Variants in GPHN observed in about 807,000 individuals in gnomAD.
GPHN encodes the protein gephyrin.
A neutral mutation model predicts 95.5 loss-of-function variants in GPHN; 17 were observed. That is an observed-to-expected ratio of 0.18 (90% CI 0.12 to 0.27). GPHN has a LOEUF of 0.27. Ranked by LOEUF, GPHN falls within the 10% of genes least tolerant of loss-of-function variation. The pLI, the probability that GPHN is intolerant of heterozygous loss-of-function variation, is 1.00. For synonymous variants in GPHN, 320 were observed against 322.5 expected (o/e 0.99, Z 0.08); for missense variants, 660 against 978.1 (o/e 0.67, Z 4.34).
chr14:67,073,671 A>G (rs927155948), intron 11 of GPHN, among the ~76,000 whole-genome samples: 10 of 152,160 alleles, frequency 6.6e-5, no homozygotes, highest in Non-Finnish European at 1.0e-4. Flanking sequence ...GTACCACTAA[A>G]TCATGGCTTA....
the GPHN span, among the ~76,000 whole-genome samples, chr14:67,411,078 T>G: frequency 7.0e-6 from 1 of 142,410 alleles, no homozygotes; most frequent in Admixed American, 7.7e-5. Flanking sequence ...GCCTGGGAAG[T>G]CGAGGCTGTG....
intron 9 of GPHN, among the ~76,000 whole-genome samples, chr14:66,968,531 C>G (rs945788454): frequency 6.6e-6 from 1 of 152,086 alleles, no homozygotes; most frequent in African/African-American, 2.4e-5. Flanking sequence ...TATGTGCAAA[C>G]GTATTTTGTC....
intron 9 of GPHN, among the ~76,000 whole-genome samples, chr14:66,994,243 G>A (rs1177882325): frequency 6.6e-6 from 1 of 151,956 alleles, no homozygotes. Flanking sequence ...GTGGGTGCCA[G>A]TATTCCCACT....
At chr14:67,122,409 T>C in intron 17 of GPHN, 32 bp downstream of exon 17, 1 of 1,601,898 alleles carries the variant, frequency 6.2e-7, no homozygotes, top group Non-Finnish European at 8.6e-7. Context: ...GAAAAGTTTG[T>C]ATTGTACAAA....
intron 1 of GPHN, among the ~76,000 whole-genome samples, chr14:66,602,536 C>A (rs373323217): frequency 2.6e-5 from 4 of 151,878 alleles, no homozygotes; most frequent in African/African-American, 4.8e-5. Flanking sequence ...AATGTGAATA[C>A]GAATTTTGTT....
the GPHN span, among the ~76,000 whole-genome samples, chr14:67,551,394 A>C: frequency 6.6e-6 from 1 of 152,202 alleles, no homozygotes; most frequent in African/African-American, 2.4e-5. Flanking sequence ...CAAGCCATGC[A>C]CATGTACTTT....
At chr14:67,250,039 G>C in the GPHN span, among the ~76,000 whole-genome samples, 1 of 152,106 alleles carries the variant, frequency 6.6e-6, no homozygotes, top group Non-Finnish European at 1.5e-5. Context: ...GTTCTATTTT[G>C]TTTTTTATGA....
intron 1 of GPHN, among the ~76,000 whole-genome samples, chr14:66,674,962 C>T (rs560718103): frequency 1.3e-5 from 2 of 152,246 alleles, no homozygotes; most frequent in Admixed American, 6.5e-5. Flanking sequence ...TGTTTCTCTT[C>T]GTCGTCACCA....
chr14:67,473,947 G>C, the GPHN span: 2 of 1,581,528 alleles, frequency 1.3e-6, no homozygotes, highest in Non-Finnish European at 1.7e-6. This position sits in a 1 kb window ranked among gnomAD's most constrained non-coding sequence, Gnocchi z 6.5. Context: ...GCTGGCTGCG[G>C]GGGGCGCAAG....
the GPHN span, among the ~76,000 whole-genome samples, chr14:67,464,303 C>A: frequency 2.0e-5 from 3 of 152,186 alleles, no homozygotes; most frequent in African/African-American, 7.2e-5. Flanking sequence ...GCTCTCCCTG[C>A]AGCCTCCCCT....
chr14:67,549,016 G>A, the GPHN span, among the ~76,000 whole-genome samples: 1 of 152,184 alleles, frequency 6.6e-6, no homozygotes, highest in Non-Finnish European at 1.5e-5. Context: ...CAGCTTAAGT[G>A]CCAGTTTCAC....
At chr14:67,604,117 C>G in the GPHN span, among the ~76,000 whole-genome samples, 3 of 152,200 alleles carry the variant, frequency 2.0e-5, no homozygotes, top group African/African-American at 4.8e-5. Flanking sequence ...CTCAGCCTCC[C>G]AAGTAGCTGG....
the GPHN span, chr14:67,645,799 T>A: frequency 8.1e-6 from 13 of 1,613,716 alleles, no homozygotes; most frequent in Middle Eastern, 1.6e-4. Context: ...AACTACAGGA[T>A]AAGGTCAGTG....
At chr14:67,572,143 A>T in the GPHN span, 1 of 1,606,760 alleles carries the variant, frequency 6.2e-7, no homozygotes, top group African/African-American at 1.3e-5. Flanking sequence ...AGGCGTCTCC[A>T]TGTCCTCACT....
chr14:67,144,250 A>ATATATAT (rs1555502004), intron 18 of GPHN, among the ~76,000 whole-genome samples: 83 of 57,710 alleles, frequency 1.4e-3, no homozygotes, highest in Non-Finnish European at 2.0e-3. Flanking sequence ...AAAAAAAAAA[A>ATATATAT]ATATATATAT....
At chr14:67,665,259 CTTT>C in the GPHN span, among the ~76,000 whole-genome samples, 54 of 126,510 alleles carry the variant, frequency 4.3e-4, no homozygotes, top group Admixed American at 5.8e-4. Flanking sequence ...TCAGTTATAT[CTTT>C]TTTTTTTTTT....
At chr14:67,284,569 A>C in the GPHN span, among the ~76,000 whole-genome samples, 4 of 142,360 alleles carry the variant, frequency 2.8e-5, no homozygotes, top group African/African-American at 2.5e-5. Context: ...AAAAAAAAAA[A>C]AAAAAAAAAA....
intron 3 of GPHN, among the ~76,000 whole-genome samples, chr14:66,811,608 C>G (rs74888244): frequency 6.6e-6 from 1 of 150,846 alleles, no homozygotes; most frequent in Non-Finnish European, 1.5e-5. Flanking sequence ...GTATTTTTCA[C>G]CAACTGTCAT....
At chr14:67,418,914 G>A in the GPHN span, among the ~76,000 whole-genome samples, 1 of 152,176 alleles carries the variant, frequency 6.6e-6, no homozygotes, top group Non-Finnish European at 1.5e-5. Flanking sequence ...TCCCCAGGGC[G>A]CTCTGCAAGG....
Sources: gnomAD v4.1 joint callset for allele counts (sites outside exome capture counted in the v4.1 genomes callset) on GRCh38, gnomAD v4.1.1 for gene constraint, Gnocchi (gnomAD v3.1) non-coding constraint, MANE v1.5 for transcripts, NCBI Gene and HGNC (gene_info 2026-07-23, HGNC 2026-07-21) for gene names.